AGBL1: variants seen among roughly 807,000 people sequenced by gnomAD.
AGBL1 encodes cytosolic carboxypeptidase 4.
In AGBL1, 130 loss-of-function variants were observed where a neutral mutation model predicts 118.9. The observed-to-expected ratio is 1.09, with a 90% CI of 0.95 to 1.26. The LOEUF (loss-of-function observed/expected upper bound fraction) is 1.26. Ranked by LOEUF, AGBL1 falls within the 50% of genes most tolerant of loss-of-function variation. The pLI is 0.00. For missense variants in AGBL1, 1,584 were observed against 1,298.1 expected (o/e 1.22, Z -3.38); for synonymous variants, 555 against 478.9 (o/e 1.16, Z -2.08).
intron 16 of AGBL1, among the ~76,000 whole-genome samples, chr15:86,285,470 T>C (rs1345365481): frequency 6.6e-6 from 1 of 152,068 alleles, no homozygotes; most frequent in Admixed American, 6.6e-5. Flanking sequence ...AGTGAATAAG[T>C]CTCATGAGAT....
At chr15:86,206,772 C>A (rs2078000150) in intron 5 of AGBL1, among the ~76,000 whole-genome samples, 1 of 152,162 alleles carries the variant, frequency 6.6e-6, no homozygotes, top group African/African-American at 2.4e-5. Flanking sequence ...CCTGTTCACT[C>A]TGATGGTAGT....
intron 22 of AGBL1, among the ~76,000 whole-genome samples, chr15:86,893,107 G>GC (rs1596601019): frequency 6.6e-6 from 1 of 152,248 alleles, no homozygotes; most frequent in East Asian, 1.9e-4. Flanking sequence ...CTCTTTTCTC[G>GC]CCTGCAAAAA....
At chr15:86,743,129 A>G (rs1187883309) in intron 22 of AGBL1, among the ~76,000 whole-genome samples, 1 of 152,146 alleles carries the variant, frequency 6.6e-6, no homozygotes, top group Non-Finnish European at 1.5e-5. Context: ...TAGCTCCTCA[A>G]GACACCCAAG....
At chr15:86,306,778 C>T (rs1597711923) in intron 17 of AGBL1, among the ~76,000 whole-genome samples, 1 of 152,192 alleles carries the variant, frequency 6.6e-6, no homozygotes, top group Admixed American at 6.5e-5. Flanking sequence ...TTTACATTCC[C>T]ACAACAGTGT....
intron 21 of AGBL1, among the ~76,000 whole-genome samples, chr15:86,557,201 G>T (rs1029915107): frequency 6.6e-6 from 1 of 152,168 alleles, no homozygotes; most frequent in African/African-American, 2.4e-5. Context: ...ACCTATTAGG[G>T]ATGGGCCCAA....
At position 86,640,483 on chromosome 15, in the gene AGBL1, T is replaced by A. The variant is rs113914246; in HGVS notation, c.2995-33790T>A. Among the ~76,000 whole-genome samples the A allele has an allele frequency of 5.7e-3, 862 of 152,290 alleles. 6 individuals carry two copies. Among genetic ancestry groups the A allele is most frequent in the African/African-American group, 0.02 (811 of 41,572 alleles). ...ATGCATACATAGATTTGTGTATAGGTAGTTATGGGTATAAAGATTTATGTG... is the reference window on the plus strand; with the variant it reads ...ATGCATACATAGATTTGTGTATAGGAAGTTATGGGTATAAAGATTTATGTG... On this transcript the variant is annotated intron_variant, in intron 21 of 22. Coordinates refer to ENST00000614907, the MANE Select transcript of AGBL1 (RefSeq NM_001386094.1).
chr15:86,827,331 ATAT>A (rs2079028127), intron 22 of AGBL1, among the ~76,000 whole-genome samples: 3 of 11,290 alleles, frequency 2.7e-4, no homozygotes, highest in African/African-American at 1.0e-3. Context: ...ACACATATAT[ATAT>A]ATATGTGTAT....
intron 21 of AGBL1, among the ~76,000 whole-genome samples, chr15:86,665,077 A>G (rs971744858): frequency 3.3e-5 from 5 of 152,176 alleles, no homozygotes; most frequent in Admixed American, 2.0e-4. Flanking sequence ...GGGGTCATAA[A>G]GAATATAGCA....
At chr15:86,760,143 A>T (rs537196455) in intron 22 of AGBL1, among the ~76,000 whole-genome samples, 1 of 152,052 alleles carries the variant, frequency 6.6e-6, no homozygotes, top group African/African-American at 2.4e-5. Context: ...TCTTTTTAGT[A>T]TTAAGAGAAT....
At chr15:86,855,607 T>C (rs191726953) in intron 22 of AGBL1, among the ~76,000 whole-genome samples, 98 of 152,334 alleles carry the variant, frequency 6.4e-4, no homozygotes, top group Non-Finnish European at 1.1e-3. Flanking sequence ...GGAAAGGCAA[T>C]GGTGATATAA....
chr15:86,099,520 G>A (rs919786992), intron 1 of AGBL1, among the ~76,000 whole-genome samples: 1 of 148,864 alleles, frequency 6.7e-6, no homozygotes, highest in Non-Finnish European at 1.5e-5. Flanking sequence ...TTGATTTCCT[G>A]TTTTCCAATG....
intron 5 of AGBL1, among the ~76,000 whole-genome samples, chr15:86,217,096 T>A (rs534360182): frequency 6.6e-6 from 1 of 152,330 alleles, no homozygotes; most frequent in South Asian, 2.1e-4. Flanking sequence ...CTCTTTACCT[T>A]GTTGTTGTTT....
At chr15:86,081,485 G>A (rs1895283065) in intron 1 of AGBL1, among the ~76,000 whole-genome samples, 1 of 152,182 alleles carries the variant, frequency 6.6e-6, no homozygotes, top group African/African-American at 2.4e-5. Flanking sequence ...TAGGAGAACT[G>A]GGCCTTCAAT....
chr15:86,307,635 C>G (rs895112854), intron 17 of AGBL1, among the ~76,000 whole-genome samples: 2 of 151,840 alleles, frequency 1.3e-5, no homozygotes. Context: ...CATAGGGTGG[C>G]GTGTGCCTGT....
intron 22 of AGBL1, among the ~76,000 whole-genome samples, chr15:86,752,895 AAATT>A (rs1375216951): frequency 4.6e-5 from 7 of 152,128 alleles, no homozygotes; most frequent in Admixed American, 1.3e-4. Context: ...ATTAATTGCT[AAATT>A]AATGGACCAG....
intron 24 of AGBL1, among the ~76,000 whole-genome samples, chr15:87,017,940 C>T (rs184915475): frequency 5.2e-4 from 78 of 149,504 alleles, no homozygotes; most frequent in East Asian, 1.2e-3. Context: ...CAGCCAGTTT[C>T]GAGATGAACA....
chr15:86,811,708 T>C (rs2078793036), intron 22 of AGBL1, among the ~76,000 whole-genome samples: 1 of 152,172 alleles, frequency 6.6e-6, no homozygotes, highest in Non-Finnish European at 1.5e-5. Context: ...CCCAAGATGT[T>C]TGAAATACCA....
At chr15:86,715,944 C>G (rs916468877) in intron 22 of AGBL1, among the ~76,000 whole-genome samples, 3 of 151,582 alleles carry the variant, frequency 2.0e-5, no homozygotes, top group Non-Finnish European at 4.4e-5. Flanking sequence ...CGAGTAGTCC[C>G]AGCTACTTGG....
At chr15:86,407,840 T>C (rs2081552153) in intron 18 of AGBL1, among the ~76,000 whole-genome samples, 1 of 152,102 alleles carries the variant, frequency 6.6e-6, no homozygotes, top group Non-Finnish European at 1.5e-5. Context: ...TTGGATCATG[T>C]GGGGGAATGA....
Sources: gnomAD v4.1 joint callset for allele counts (sites outside exome capture counted in the v4.1 genomes callset) on GRCh38, gnomAD v4.1.1 for gene constraint, MANE v1.5 for transcripts, NCBI Gene and HGNC (gene_info 2026-07-23, HGNC 2026-07-21) for gene names.